The following CASK variants were observed in gnomAD, a reference collection of about 807,000 sequenced individuals.
CASK encodes peripheral plasma membrane protein CASK.
In CASK, 4 loss-of-function variants were observed where a neutral mutation model predicts 82.9. The observed-to-expected ratio is 0.05, with a 90% CI of 0.02 to 0.11. The LOEUF is 0.11. CASK is among the 10% of genes least tolerant of loss of function. The pLI is 1.00. For missense variants in CASK, 358 were observed against 720.9 expected (o/e 0.50, Z 5.76); for synonymous variants, 259 against 253.5 (o/e 1.02, Z -0.20).
intron 15 of CASK, among the ~76,000 whole-genome samples, chrX:41,576,725 T>C (rs148505686): frequency 3.6e-5 from 4 of 111,952 alleles, no homozygotes; most frequent in Non-Finnish European, 5.6e-5. Flanking sequence ...ATCATTCATT[T>C]AGTCAACTAT....
chrX:41,783,471 C>T (rs1490722944), intron 3 of CASK, among the ~76,000 whole-genome samples: 2 of 107,801 alleles, frequency 1.9e-5, no homozygotes, highest in Non-Finnish European at 3.8e-5. Context: ...ATCGCTTGAA[C>T]CTGGGAGACG....
intron 5 of CASK, among the ~76,000 whole-genome samples, chrX:41,715,137 C>A (rs1253858611): frequency 8.9e-6 from 1 of 112,682 alleles, no homozygotes; most frequent in Non-Finnish European, 1.9e-5. Context: ...GAATTGCATT[C>A]TGCAGAAATG....
intron 18 of CASK, chrX:41,558,652 T>G (rs952921911): frequency 1.7e-4 from 19 of 111,630 alleles, no homozygotes; most frequent in Non-Finnish European, 7.5e-5. Flanking sequence ...CAATTCTGCA[T>G]TTTCTTTTGA....
intron 8 of CASK, among the ~76,000 whole-genome samples, chrX:41,656,465 A>G (rs1473357357): frequency 5.4e-5 from 6 of 112,129 alleles, no homozygotes; most frequent in Admixed American, 1.9e-4. Context: ...ATATTTGGAG[A>G]GCTGAACACC....
rs2064597503 is a variant in CASK at position 41,518,862 on chromosome X, A to C, written c.*1558T>G. The stretch of plus-strand genomic sequence containing the variant: ...CAAAGAGTCTGAGAACCCCAGCCCG[A>C]ATCTCCTGTATTGGAAGAATGTGAC... On this transcript the variant is annotated 3_prime_UTR_variant, in exon 27 of 27. Transcript: ENST00000378163. 9.0e-6 allele frequency: 1 copy of C among 111,656 alleles called. No homozygotes were observed. Among genetic ancestry groups the C allele is most frequent in the Non-Finnish European group, 1.9e-5 (1 of 53,179 alleles). 9.2% of individuals were successfully genotyped at this position (111,656 alleles called of 1,213,427 possible).
intron 2 of CASK, among the ~76,000 whole-genome samples, chrX:41,821,222 T>A (rs934817933): frequency 1.6e-4 from 18 of 112,035 alleles, no homozygotes; most frequent in African/African-American, 4.9e-4. Context: ...AAAGAACTCC[T>A]ACAACTTAAT....
chrX:41,687,060 A>C (rs1004884980), intron 5 of CASK, among the ~76,000 whole-genome samples: 2 of 112,242 alleles, frequency 1.8e-5, no homozygotes, highest in African/African-American at 3.2e-5. Context: ...ATTGAGGAGA[A>C]AATGTGGTCA....
At chrX:41,649,379 C>A (rs914918244) in intron 8 of CASK, among the ~76,000 whole-genome samples, 10 of 111,879 alleles carry the variant, frequency 8.9e-5, no homozygotes. Context: ...CTTGCTTTCT[C>A]TTGTGGGCAT....
At chrX:41,719,813 T>C (rs2068131392) in intron 5 of CASK, among the ~76,000 whole-genome samples, 1 of 112,508 alleles carries the variant, frequency 8.9e-6, no homozygotes, top group African/African-American at 3.2e-5. Context: ...TGTGGAATGC[T>C]GAGAAAAGTA....
At chrX:41,903,344 C>T (rs776006587) in intron 1 of CASK, among the ~76,000 whole-genome samples, 63 of 111,771 alleles carry the variant, frequency 5.6e-4, no homozygotes, top group African/African-American at 1.9e-3. Context: ...ATTTAGGGTA[C>T]TGAAAATAGC....
chrX:41,629,850 G>A (rs1259747290), intron 9 of CASK, among the ~76,000 whole-genome samples: 1 of 111,819 alleles, frequency 8.9e-6, no homozygotes, highest in Non-Finnish European at 1.9e-5. Flanking sequence ...CTCATCGATA[G>A]CAATAATGTA....
intron 12 of CASK, among the ~76,000 whole-genome samples, chrX:41,603,920 A>G (rs2065925931): frequency 8.9e-6 from 1 of 111,874 alleles, no homozygotes; most frequent in African/African-American, 3.2e-5. Flanking sequence ...GAAACTGAGA[A>G]GACTGAAAAC....
At chrX:41,640,421 C>T (rs1244327088) in intron 8 of CASK, among the ~76,000 whole-genome samples, 2 of 111,006 alleles carry the variant, frequency 1.8e-5, no homozygotes, top group African/African-American at 6.6e-5. Context: ...CCAGGCTGGT[C>T]TCGATCTCCT....
intron 1 of CASK, among the ~76,000 whole-genome samples, chrX:41,887,726 TTACTC>T (rs1206251684): frequency 9.0e-6 from 1 of 111,025 alleles, no homozygotes; most frequent in Non-Finnish European, 1.9e-5. Context: ...GTCTTTCTAA[TTACTC>T]TAAGCCACTA....
chrX:41,589,810 T>C, intron 12 of CASK: 1 of 372,012 alleles, frequency 2.7e-6, no homozygotes, highest in South Asian at 4.2e-5. Flanking sequence ...TTTAAATAGA[T>C]GGACCAAAAT....
chrX:41,773,307 C>T (rs1569443102), intron 3 of CASK, among the ~76,000 whole-genome samples: 1 of 101,315 alleles, frequency 9.9e-6, no homozygotes, highest in African/African-American at 3.7e-5. Context: ...CCCAGGAGGT[C>T]GAGGCTGCAG....
At chrX:41,604,779 T>C (rs2065936929) in intron 12 of CASK, among the ~76,000 whole-genome samples, 1 of 112,397 alleles carries the variant, frequency 8.9e-6, no homozygotes. Flanking sequence ...TCCTCATGCC[T>C]CTGTATTTCT....
intron 3 of CASK, among the ~76,000 whole-genome samples, chrX:41,780,026 G>A (rs978917906): frequency 6.3e-5 from 7 of 111,137 alleles, no homozygotes; most frequent in Non-Finnish European, 1.3e-4. Context: ...ACATCATGTC[G>A]GATGTGTTTT....
chrX:41,916,719 T>C (rs2072696982), intron 1 of CASK, among the ~76,000 whole-genome samples: 1 of 111,989 alleles, frequency 8.9e-6, no homozygotes, highest in Admixed American at 9.5e-5. Flanking sequence ...GATAAAGGAA[T>C]AACTATCCTT....
Sources: gnomAD v4.1 joint callset for allele counts (sites outside exome capture counted in the v4.1 genomes callset) on GRCh38, gnomAD v4.1.1 for gene constraint, MANE v1.5 for transcripts, NCBI Gene and HGNC (gene_info 2026-07-23, HGNC 2026-07-21) for gene names.